Variants in DENND1B observed in about 807,000 individuals in gnomAD.
DENND1B encodes DENN domain containing 1B, also known as DENN domain-containing protein 1B.
Under a neutral mutation model 90.1 loss-of-function variants are expected in DENND1B, and 59 were observed. The ratio of observed to expected loss-of-function variants is 0.65; its 90% CI spans 0.53 to 0.81. The LOEUF (loss-of-function observed/expected upper bound fraction) is 0.81, where lower values mean the gene tolerates loss of function less well. Ranked by LOEUF, DENND1B falls within the 40% of genes least tolerant of loss-of-function variation. The pLI, the probability that DENND1B is intolerant of heterozygous loss-of-function variation, is 0.00. For missense variants in DENND1B, 862 were observed against 912.6 expected, an observed-to-expected ratio of 0.94 and a Z score of 0.71; for synonymous variants, 337 against 324.6, an observed-to-expected ratio of 1.04 and a Z score of -0.41.
chr1:197,721,612 T>A (rs1007089064), intron 2 of DENND1B, among the ~76,000 whole-genome samples: 2 of 152,072 alleles, frequency 1.3e-5, no homozygotes, highest in African/African-American at 4.8e-5. Flanking sequence ...AGAACCAGTA[T>A]GCATGACATT....
chr1:197,653,730 G>A (rs139296304), intron 6 of DENND1B, among the ~76,000 whole-genome samples: 2 of 151,454 alleles, frequency 1.3e-5, no homozygotes, highest in East Asian at 3.9e-4. Flanking sequence ...TATTACTGAT[G>A]GTTTCAGGAA....
At chr1:197,750,969 G>A (rs1160367085) in intron 2 of DENND1B, among the ~76,000 whole-genome samples, 2 of 152,080 alleles carry the variant, frequency 1.3e-5, no homozygotes, top group African/African-American at 4.8e-5. Context: ...ACTAAAGGAG[G>A]GAACCAAGAA....
chr1:197,622,135 C>T (rs1389527506), intron 10 of DENND1B, among the ~76,000 whole-genome samples: 2 of 151,386 alleles, frequency 1.3e-5, no homozygotes, highest in Non-Finnish European at 3.0e-5. Context: ...GCATTTGAAA[C>T]TTCTGGTCCC....
At chr1:197,762,270 A>C (rs1440384578) in intron 2 of DENND1B, among the ~76,000 whole-genome samples, 1 of 145,202 alleles carries the variant, frequency 6.9e-6, no homozygotes, top group Non-Finnish European at 1.5e-5. Context: ...ATTAGTCAGC[A>C]TTTTTTTTTT....
intron 6 of DENND1B, among the ~76,000 whole-genome samples, chr1:197,655,205 G>A (rs1376518327): frequency 6.6e-6 from 1 of 152,160 alleles, no homozygotes; most frequent in Non-Finnish European, 1.5e-5. Flanking sequence ...ACAGAATCCA[G>A]TGAACAAAAA....
intron 2 of DENND1B, among the ~76,000 whole-genome samples, chr1:197,728,685 T>C (rs1483936865): frequency 6.6e-6 from 1 of 152,216 alleles, no homozygotes; most frequent in Non-Finnish European, 1.5e-5. Context: ...ATTAGTCTTC[T>C]TGCCACTCAG....
intron 8 of DENND1B, among the ~76,000 whole-genome samples, chr1:197,646,431 T>G (rs994054989): frequency 1.3e-5 from 2 of 151,956 alleles, no homozygotes; most frequent in African/African-American, 2.4e-5. Flanking sequence ...GAATACATTG[T>G]GTATATATGC....
intron 2 of DENND1B, among the ~76,000 whole-genome samples, chr1:197,715,964 C>A (rs920854575): frequency 2.0e-5 from 3 of 151,466 alleles, no homozygotes; most frequent in Admixed American, 6.6e-5. Flanking sequence ...CTTGAAAGCC[C>A]AAGATAAGAC....
At chr1:197,572,640 C>G (rs1673275888) in intron 15 of DENND1B, among the ~76,000 whole-genome samples, 1 of 152,204 alleles carries the variant, frequency 6.6e-6, no homozygotes, top group African/African-American at 2.4e-5. Flanking sequence ...TGTAGCCTAA[C>G]TGGGAGACAC....
intron 2 of DENND1B, among the ~76,000 whole-genome samples, chr1:197,770,590 TTG>T (rs59631965): frequency 0.013 from 1,934 of 145,404 alleles, 36 homozygotes; most frequent in African/African-American, 0.042. Context: ...AATTAGCCTG[TTG>T]TGTGTGTGTG....
At chr1:197,738,727 G>T (rs1394265329) in intron 2 of DENND1B, among the ~76,000 whole-genome samples, 1 of 152,142 alleles carries the variant, frequency 6.6e-6, no homozygotes, top group Non-Finnish European at 1.5e-5. Flanking sequence ...CCAAGAGAAA[G>T]TACAAACTGT....
intron 3 of DENND1B, among the ~76,000 whole-genome samples, chr1:197,683,187 TCTC>T (rs1237235293): frequency 6.6e-6 from 1 of 152,174 alleles, no homozygotes; most frequent in Non-Finnish European, 1.5e-5. Flanking sequence ...TCAAAACTAA[TCTC>T]ATTGTATATT....
intron 5 of DENND1B, among the ~76,000 whole-genome samples, chr1:197,667,952 A>G (rs1572254206): frequency 1.3e-5 from 2 of 152,198 alleles, no homozygotes; most frequent in East Asian, 3.8e-4. Flanking sequence ...TATTGTAAAA[A>G]GTAGATAAAT....
At chr1:197,583,432 A>G (rs1170732909) in intron 14 of DENND1B, among the ~76,000 whole-genome samples, 179 bp from the exon 15 acceptor site, 2 of 152,192 alleles carry the variant, frequency 1.3e-5, no homozygotes, top group African/African-American at 4.8e-5. Flanking sequence ...AGCCTGTACT[A>G]CACCTTTCTA....
At chr1:197,637,945 C>T (rs549567179) in intron 10 of DENND1B, among the ~76,000 whole-genome samples, 132 of 152,294 alleles carry the variant, frequency 8.7e-4, no homozygotes, top group African/African-American at 3.1e-3. Flanking sequence ...CTCTGCACTT[C>T]GGGTTTCAGA....
intron 20 of DENND1B, among the ~76,000 whole-genome samples, chr1:197,530,073 A>G (rs1397781338): frequency 6.6e-6 from 1 of 152,240 alleles, no homozygotes; most frequent in Non-Finnish European, 1.5e-5. Flanking sequence ...CCTCATCAAC[A>G]AAACGAGCAA....
intron 2 of DENND1B, among the ~76,000 whole-genome samples, chr1:197,730,847 T>A (rs1662080787): frequency 6.6e-6 from 1 of 152,116 alleles, no homozygotes. Flanking sequence ...ACAAGTTGTT[T>A]AATCAGAATT....
At chr1:197,768,017 A>C (rs1655911272) in intron 2 of DENND1B, among the ~76,000 whole-genome samples, 1 of 152,196 alleles carries the variant, frequency 6.6e-6, no homozygotes, top group Admixed American at 6.5e-5. Flanking sequence ...GCCAAATGGA[A>C]ACAAGCATTT....
rs1676908281 is a variant in DENND1B at position 197,608,689 on chromosome 1, A to C, written c.820-1515T>G. Among the ~76,000 whole-genome samples, 2 of 150,664 alleles carry C rather than the reference A, an allele frequency of 1.3e-5. 1 individual carries two copies. Among genetic ancestry groups the C allele is most frequent in the South Asian group, 4.1e-4 (2 of 4,832 alleles). On this transcript the variant is annotated intron_variant, in intron 12 of 22. Transcript: ENST00000620048. ...TATTTGTTAAGGGATAAAATGAGTT[A>C]GTCTGTAAATAGCCTAAGATAAAGC...
Sources: gnomAD v4.1 joint callset for allele counts (sites outside exome capture counted in the v4.1 genomes callset) on GRCh38, gnomAD v4.1.1 for gene constraint, MANE v1.5 for transcripts, NCBI Gene and HGNC (gene_info 2026-07-23, HGNC 2026-07-21) for gene names.